WDR70: variants seen among roughly 807,000 people sequenced by gnomAD.
WDR70 encodes the protein WD repeat domain 70, also known as WD repeat-containing protein 70.
Under a neutral mutation model 88.6 loss-of-function variants are expected in WDR70, and 53 were observed. The ratio of observed to expected loss-of-function variants is 0.60; its 90% CI spans 0.48 to 0.75. The LOEUF (loss-of-function observed/expected upper bound fraction) is 0.75, where lower values mean the gene tolerates loss of function less well. Among genes scored for constraint, WDR70 ranks in the 30% least tolerant of loss-of-function variants. The pLI is 0.00. For missense variants in WDR70, 610 were observed against 823.2 expected (o/e 0.74, Z 3.17); for synonymous variants, 280 against 270.0 (o/e 1.04, Z -0.36).
intron 6 of WDR70, among the ~76,000 whole-genome samples, chr5:37,441,876 G>T (rs181752068): frequency 6.6e-6 from 1 of 151,966 alleles, no homozygotes; most frequent in Admixed American, 6.6e-5. Flanking sequence ...TATAGTAATC[G>T]CATTAAATAT....
At chr5:37,591,633 A>G (rs964785591) in intron 9 of WDR70, among the ~76,000 whole-genome samples, 4 of 152,228 alleles carry the variant, frequency 2.6e-5, no homozygotes, top group Admixed American at 6.5e-5. Flanking sequence ...TTCCAATTCT[A>G]TACAAACTCT....
chr5:37,423,661 T>TC (rs1257386510), intron 5 of WDR70, among the ~76,000 whole-genome samples: 25 of 149,474 alleles, frequency 1.7e-4, no homozygotes, highest in Non-Finnish European at 1.5e-5. Context: ...CCTCTTAGGT[T>TC]CAAGCTATTT....
intron 9 of WDR70, among the ~76,000 whole-genome samples, chr5:37,558,495 A>G (rs7703697): frequency 0.043 from 6,288 of 145,392 alleles, 440 homozygotes; most frequent in African/African-American, 0.15. Flanking sequence ...TTAAAAAAAA[A>G]TTTTTTTTTT....
In WDR70 at chr5:37,723,115, T is replaced by C. The variant is rs989075632; in HGVS notation, c.1597+181T>C. On this transcript the variant is annotated intron_variant, in intron 15 of 17. Coordinates refer to ENST00000265107, the MANE Select transcript of WDR70 (RefSeq NM_018034.4). ...TAACCTCTGTGGCTTCTGTGACTCA[T>C]CACAGGGACAGGGTTATTTCATGCA... 91 of 649,760 alleles carry C rather than the reference T, an allele frequency of 1.4e-4. 2 individuals carry two copies. In the South Asian group the frequency reaches 1.8e-3, roughly 13 times the overall value. 40.2% of individuals were successfully genotyped at this position (649,760 alleles called of 1,614,324 possible). A position where few individuals can be genotyped will look rare whatever the true frequency, so the allele number is the denominator to read the frequency against.
At position 37,679,229 on chromosome 5, in the gene WDR70, A is replaced by G. The variant is rs572799186; in HGVS notation, c.1093-18426A>G. On this transcript the variant is annotated intron_variant, in intron 10 of 17. Transcript: ENST00000265107. Reference sequence around the variant, plus strand: ...GATCGTCTGAAGCCTTCTTCTCTCAACTCGTCAGTGTCATTCTCCGTCCAG... The same window carrying G: ...GATCGTCTGAAGCCTTCTTCTCTCAGCTCGTCAGTGTCATTCTCCGTCCAG... Among the ~76,000 whole-genome samples the G allele has an allele frequency of 3.3e-5, 5 of 151,944 alleles. No homozygotes were observed. In the East Asian group the frequency reaches 9.7e-4, roughly 29 times the overall value.
intron 9 of WDR70, among the ~76,000 whole-genome samples, chr5:37,526,766 A>T (rs1472998584): frequency 6.6e-6 from 1 of 152,184 alleles, no homozygotes; most frequent in Non-Finnish European, 1.5e-5. Flanking sequence ...CCTTAAGCTG[A>T]TAAGCAACTT....
At chr5:37,382,394 C>T (rs1335861202) in intron 3 of WDR70, among the ~76,000 whole-genome samples, 2 of 150,476 alleles carry the variant, frequency 1.3e-5, no homozygotes, top group Admixed American at 6.6e-5. Flanking sequence ...CACTGTGCCC[C>T]GCTTTTTGTT....
chr5:37,518,002 A>G (rs1740946190), intron 9 of WDR70, among the ~76,000 whole-genome samples: 1 of 151,200 alleles, frequency 6.6e-6, no homozygotes, highest in Non-Finnish European at 1.5e-5. Flanking sequence ...GCACCTTCCA[A>G]CTCCCAGGTT....
chr5:37,593,438 T>C (rs549463433), intron 9 of WDR70, among the ~76,000 whole-genome samples: 3 of 152,168 alleles, frequency 2.0e-5, no homozygotes, highest in Non-Finnish European at 2.9e-5. Flanking sequence ...CTCAGAATGA[T>C]GGTTTCCAGC....
intron 5 of WDR70, among the ~76,000 whole-genome samples, chr5:37,415,276 C>T (rs1190787148): frequency 6.6e-6 from 1 of 151,856 alleles, no homozygotes; most frequent in Non-Finnish European, 1.5e-5. Context: ...CATCATGGCC[C>T]GTTCTCAATG....
chr5:37,396,538 G>A lies in WDR70; in HGVS notation c.460G>A (p.Glu154Lys), dbSNP rs140696000. Reference sequence around the variant, plus strand: ...TCTTAATGAAGAAGAAGAAGAAGCAGAGGAAGAAGAAGAGGAAGAGGAGGA... The same window carrying A: ...TCTTAATGAAGAAGAAGAAGAAGCAAAGGAAGAAGAAGAGGAAGAGGAGGA... ...PPLNEEEEEA[E>K]EEEEEEEEEE... The change falls in exon 5 of 18, where the codon GAG (glutamate) becomes AAG (lysine). Residue 154 changes from glutamate (E) to lysine (K), a missense_variant. Glu to Lys is a moderately conservative substitution (Grantham distance 56). Transcript: ENST00000265107. 19 of 1,612,420 alleles carry A rather than the reference G, an allele frequency of 1.2e-5. No homozygotes were observed. The highest frequency in any genetic ancestry group is 1.5e-5 in the Non-Finnish European group (18 of 1,179,794).
At chr5:37,527,307 A>G (rs528488062) in intron 9 of WDR70, among the ~76,000 whole-genome samples, 1 of 152,200 alleles carries the variant, frequency 6.6e-6, no homozygotes, top group Non-Finnish European at 1.5e-5. Flanking sequence ...GGAACAAATC[A>G]GAGCCCTCAG....
At chr5:37,403,518 G>T (rs1467978989) in intron 5 of WDR70, among the ~76,000 whole-genome samples, 5 of 152,108 alleles carry the variant, frequency 3.3e-5, no homozygotes, top group Non-Finnish European at 5.9e-5. Context: ...AGCAGGGCAG[G>T]ACTCCACCTG....
intron 9 of WDR70, among the ~76,000 whole-genome samples, chr5:37,552,059 AC>A (rs1485510710): frequency 6.6e-6 from 1 of 152,074 alleles, no homozygotes; most frequent in Non-Finnish European, 1.5e-5. Context: ...GGCATGAGCT[AC>A]TGCACCCAGC....
chr5:37,600,155 A>G (rs1743827525), intron 9 of WDR70, among the ~76,000 whole-genome samples: 1 of 152,210 alleles, frequency 6.6e-6, no homozygotes, highest in Non-Finnish European at 1.5e-5. Context: ...AGTGAAAAGA[A>G]AGATAAGCCG....
intron 10 of WDR70, among the ~76,000 whole-genome samples, chr5:37,629,319 C>T (rs1312699487): frequency 2.0e-5 from 3 of 152,160 alleles, no homozygotes; most frequent in Non-Finnish European, 4.4e-5. Context: ...ATGCTCATCT[C>T]TCTCCCAAGA....
At chr5:37,688,782 G>A (rs576139978) in intron 10 of WDR70, among the ~76,000 whole-genome samples, 1 of 149,268 alleles carries the variant, frequency 6.7e-6, no homozygotes, top group African/African-American at 2.4e-5. Context: ...GAAGATAAGT[G>A]ATTTCTGCAT....
chr5:37,618,522 A>G (rs1744410396), intron 10 of WDR70, among the ~76,000 whole-genome samples: 2 of 151,990 alleles, frequency 1.3e-5, no homozygotes, highest in South Asian at 4.1e-4. Flanking sequence ...GGTGCCCATC[A>G]CCACGCCTGG....
intron 9 of WDR70, among the ~76,000 whole-genome samples, chr5:37,583,890 TG>T: frequency 6.6e-6 from 1 of 152,294 alleles, no homozygotes; most frequent in East Asian, 1.9e-4. Context: ...ATGGAAAATT[TG>T]CAGTATTCTT....
Sources: gnomAD v4.1 joint callset for allele counts (sites outside exome capture counted in the v4.1 genomes callset) on GRCh38, gnomAD v4.1.1 for gene constraint, MANE v1.5 for transcripts, NCBI Gene and HGNC (gene_info 2026-07-23, HGNC 2026-07-21) for gene names.